LRRN3: variants seen among roughly 807,000 people sequenced by gnomAD.
LRRN3 encodes leucine rich repeat neuronal 3.
In LRRN3, 15 loss-of-function variants were observed where a neutral mutation model predicts 40.1. The observed-to-expected ratio is 0.37, with a 90% CI of 0.25 to 0.58. The LOEUF (loss-of-function observed/expected upper bound fraction) is 0.58, where lower values mean the gene tolerates loss of function less well. Among genes scored for constraint, LRRN3 ranks in the 20% least tolerant of loss-of-function variants. LRRN3 has a pLI of 0.72. For synonymous variants in LRRN3, 308 were observed against 297.2 expected, an observed-to-expected ratio of 1.04 and a Z score of -0.37; for missense variants, 746 against 837.7, an observed-to-expected ratio of 0.89 and a Z score of 1.35.
At position 111,122,885 on chromosome 7, in the gene LRRN3, G is replaced by A. The variant is rs11978899; in HGVS notation, c.113G>A (p.Arg38Lys). The change falls in exon 3 of 3, where the codon AGG becomes AAG. Residue 38 changes from arginine (R) to lysine (K), a missense_variant. By Grantham distance (26) the Arg-to-Lys change is conservative. Transcript: ENST00000308478. Reference protein sequence around the residue: ...DCPRLCTCEIRPWFTPRSIYM... With the variant: ...DCPRLCTCEIKPWFTPRSIYM... ...CCACGGTTATGTACGTGTGAAATCA[G>A]GCCTTGGTTTACACCCAGATCCATT... 1.2e-6 allele frequency: 2 copies of A among 1,614,024 alleles called. No homozygotes were observed. The highest frequency in any genetic ancestry group is 2.2e-5 in the South Asian group (2 of 91,088).
At chr7:111,101,842 C>A (rs1320516550) in intron 2 of LRRN3, among the ~76,000 whole-genome samples, 1 of 151,362 alleles carries the variant, frequency 6.6e-6, no homozygotes, top group Non-Finnish European at 1.5e-5. Flanking sequence ...TGCCCCCAAT[C>A]TAAAAAGGTA....
chr7:111,103,251 T>C, intron 2 of LRRN3, among the ~76,000 whole-genome samples: 1 of 151,670 alleles, frequency 6.6e-6, no homozygotes, highest in Non-Finnish European at 1.5e-5. Context: ...TTAATAATTG[T>C]ACTTCTTTAT....
chr7:111,120,535 G>C (rs1306118312), intron 2 of LRRN3, among the ~76,000 whole-genome samples: 2 of 152,130 alleles, frequency 1.3e-5, no homozygotes, highest in African/African-American at 4.8e-5. Context: ...TGAGATTTGG[G>C]CGGGGACACA....
intron 2 of LRRN3, among the ~76,000 whole-genome samples, chr7:111,113,340 T>C (rs911443020): frequency 1.3e-5 from 2 of 152,120 alleles, no homozygotes; most frequent in African/African-American, 4.8e-5. Context: ...CCATCCCTCC[T>C]GAGATTGATA....
intron 2 of LRRN3, among the ~76,000 whole-genome samples, chr7:111,120,389 T>G (rs772528114): frequency 3.3e-5 from 5 of 151,984 alleles, no homozygotes; most frequent in Non-Finnish European, 7.4e-5. Context: ...AAAAGACATT[T>G]CCCCTATAAA....
At chr7:111,103,596 C>G (rs1210419277) in intron 2 of LRRN3, among the ~76,000 whole-genome samples, 1 of 151,584 alleles carries the variant, frequency 6.6e-6, no homozygotes. Flanking sequence ...CTATTTTGTT[C>G]TGTCATTTCT....
chr7:111,095,785 T>C (rs1797337247), intron 1 of LRRN3, among the ~76,000 whole-genome samples: 1 of 152,012 alleles, frequency 6.6e-6, no homozygotes, highest in South Asian at 2.1e-4. Context: ...GCACTTAACA[T>C]GTGCCCTTTT....
rs537488246 is a variant in LRRN3, at chr7:111,103,819, C to T, written c.-359+3857C>T. ...CTTTCAAGTAGGTACCATTATCACT[C>T]ACCTTTCAGTAGATGAGGAAACAAT... is the stretch of plus-strand genomic sequence containing the variant. On this transcript the variant is annotated intron_variant, in intron 2 of 2. Coordinates refer to ENST00000308478, the MANE Select transcript of LRRN3 (RefSeq NM_001099658.2). Among the ~76,000 whole-genome samples the T allele has an allele frequency of 2.6e-5, 4 of 151,684 alleles. No homozygotes were observed. The South Asian group carries it at 8.3e-4, about 31-fold the overall frequency.
intron 1 of LRRN3, among the ~76,000 whole-genome samples, chr7:111,091,969 T>C (rs1161380658): frequency 6.6e-6 from 1 of 152,182 alleles, no homozygotes; most frequent in African/African-American, 2.4e-5. Context: ...TCACACATTA[T>C]TCTCTGTTTT....
At position 111,124,112 on chromosome 7, in the gene LRRN3, C is replaced by A; in HGVS notation, c.1340C>A (p.Thr447Asn). The change falls in exon 3 of 3, where the codon ACT becomes AAT. Residue 447 changes from threonine (T) to asparagine (N), a missense_variant. Coordinates refer to ENST00000308478, the MANE Select transcript of LRRN3 (RefSeq NM_001099658.2). ...TATGTTTCCTTTCACTGTAGAGCTA[C>A]TGCAGAACCACAGCCTGAAATCTAC... ...GSYVSFHCRA[T>N]AEPQPEIYWI... 6.2e-7 allele frequency: 1 copy of A among 1,614,074 alleles called. No individual in the cohort carries two copies. Among genetic ancestry groups the A allele is most frequent in the Non-Finnish European group, 8.5e-7 (1 of 1,179,982 alleles).
intron 2 of LRRN3, among the ~76,000 whole-genome samples, chr7:111,111,405 C>A (rs1310747328): frequency 6.7e-6 from 1 of 150,332 alleles, no homozygotes; most frequent in Non-Finnish European, 1.5e-5. Flanking sequence ...CTTTCCATCC[C>A]CCCCCAAAAA....
At chr7:111,121,494 G>T (rs1025515225) in intron 2 of LRRN3, among the ~76,000 whole-genome samples, 2 of 152,060 alleles carry the variant, frequency 1.3e-5, no homozygotes, top group Non-Finnish European at 2.9e-5. Context: ...CATCATCACT[G>T]GCCATCAGAG....
intron 2 of LRRN3, among the ~76,000 whole-genome samples, chr7:111,114,056 T>C (rs1799550285): frequency 1.3e-5 from 2 of 152,060 alleles, no homozygotes; most frequent in South Asian, 4.1e-4. Context: ...GAAATTTTAA[T>C]GCATAAATTT....
intron 1 of LRRN3, chr7:111,097,322 G>T (rs1410264802): frequency 1.3e-5 from 2 of 151,854 alleles, no homozygotes; most frequent in Non-Finnish European, 2.9e-5. Context: ...ACTTACAAGT[G>T]ACATGAATAA....
At chr7:111,108,879 T>C (rs1455204011) in intron 2 of LRRN3, among the ~76,000 whole-genome samples, 1 of 152,166 alleles carries the variant, frequency 6.6e-6, no homozygotes, top group Non-Finnish European at 1.5e-5. Flanking sequence ...TGATATTCAT[T>C]CATTCATTCA....
intron 2 of LRRN3, among the ~76,000 whole-genome samples, chr7:111,118,735 A>C (rs1406534662): frequency 6.6e-6 from 1 of 152,128 alleles, no homozygotes; most frequent in East Asian, 1.9e-4. Context: ...GAAATATCAT[A>C]ATCATTTCCA....
At chr7:111,106,803 T>C (rs1798599768) in intron 2 of LRRN3, among the ~76,000 whole-genome samples, 1 of 150,704 alleles carries the variant, frequency 6.6e-6, no homozygotes, top group Non-Finnish European at 1.5e-5. Context: ...CCAAAAAAAA[T>C]GGAATCAACA....
At chr7:111,098,384 G>C (rs947129678) in intron 1 of LRRN3, among the ~76,000 whole-genome samples, 1 of 151,726 alleles carries the variant, frequency 6.6e-6, no homozygotes, top group Non-Finnish European at 1.5e-5. Context: ...TAATGAGGAA[G>C]CAAAATTTAT....
chr7:111,107,442 G>C (rs1798675974), intron 2 of LRRN3, among the ~76,000 whole-genome samples: 2 of 152,030 alleles, frequency 1.3e-5, no homozygotes, highest in African/African-American at 4.8e-5. Context: ...TCTCTAAAAA[G>C]AAATTCTGGA....
Sources: gnomAD v4.1 joint callset for allele counts (sites outside exome capture counted in the v4.1 genomes callset) on GRCh38, gnomAD v4.1.1 for gene constraint, MANE v1.5 for transcripts, NCBI Gene and HGNC (gene_info 2026-07-23, HGNC 2026-07-21) for gene names.